NPAS3: variants seen among roughly 807,000 people sequenced by gnomAD.
NPAS3 encodes the protein neuronal PAS domain-containing protein 3.
A neutral mutation model predicts 73.1 loss-of-function variants in NPAS3; 14 were observed. That is an observed-to-expected ratio of 0.19 (90% CI 0.13 to 0.30). The LOEUF is 0.30. NPAS3 is among the 10% of genes least tolerant of loss of function. NPAS3 has a pLI of 1.00. For synonymous variants in NPAS3, 620 were observed against 541.5 expected (o/e 1.14, Z -2.01); for missense variants, 1,096 against 1,250.0 (o/e 0.88, Z 1.86).
At chr14:32,980,513 T>C (rs1595143392) in intron 1 of NPAS3, among the ~76,000 whole-genome samples, 1 of 152,338 alleles carries the variant, frequency 6.6e-6, no homozygotes, top group East Asian at 1.9e-4. Flanking sequence ...AAAGGGGATA[T>C]TAATTTTTTT....
intron 2 of NPAS3, among the ~76,000 whole-genome samples, chr14:33,095,866 G>T (rs2042402086): frequency 6.6e-6 from 1 of 151,286 alleles, no homozygotes; most frequent in Non-Finnish European, 1.5e-5. Context: ...TAGAGACGGG[G>T]TTTCACCGTG....
At position 33,165,590 on chromosome 14, in the gene NPAS3, C is replaced by T. The variant is rs143202318; in HGVS notation, c.141-49592C>T. 2.8e-3 allele frequency among the ~76,000 whole-genome samples: 419 copies of T among 152,000 alleles called. 2 individuals are homozygous for T. The highest frequency in any genetic ancestry group is 9.5e-3 in the African/African-American group (396 of 41,478). ...TTCTAATCTGGAGGCCTTATCAGAG[C>T]GTTGGCTGATAATTTATTGTTGAAA... On this transcript the variant is annotated intron_variant, in intron 2 of 11. Transcript: ENST00000356141.
At chr14:33,167,669 T>G (rs1306126547) in intron 2 of NPAS3, among the ~76,000 whole-genome samples, 1 of 152,222 alleles carries the variant, frequency 6.6e-6, no homozygotes. Context: ...CATTCTTGAA[T>G]GCACATTTGT....
intron 2 of NPAS3, among the ~76,000 whole-genome samples, chr14:33,115,737 A>C (rs1030414911): frequency 1.3e-5 from 2 of 152,168 alleles, no homozygotes; most frequent in African/African-American, 4.8e-5. Context: ...GCAATCCATC[A>C]GGGATTTGTT....
Position 33,588,375 on chromosome 14 carries a change from C to T in NPAS3, c.558+28165C>T, listed in dbSNP as rs537262198. On this transcript the variant is annotated intron_variant, in intron 5 of 11. Coordinates refer to ENST00000356141, the Ensembl canonical transcript of NPAS3. ...GCAGTCATATTCTGGGTTGGCACCA[C>T]CTGCCAGCAAAGAATTTGCAGAAAC... Among the ~76,000 whole-genome samples the T allele has an allele frequency of 9.0e-4, 137 of 152,280 alleles. 1 individual carries two copies. The highest frequency in any genetic ancestry group is 3.1e-3 in the African/African-American group (127 of 41,554).
chr14:33,752,975 G>A (rs2062007839), intron 7 of NPAS3, among the ~76,000 whole-genome samples: 1 of 152,108 alleles, frequency 6.6e-6, no homozygotes, highest in South Asian at 2.1e-4. Context: ...TTTTAAAAAG[G>A]AAAATCATTG....
rs35096703 is a variant in NPAS3 at position 33,798,977 on chromosome 14, C to CAAAAAAAAAAAAAA, written c.1427-752_1427-739dup. 2.8e-5 allele frequency among the ~76,000 whole-genome samples: 3 copies of CAAAAAAAAAAAAAA among 106,240 alleles called. 1 individual carries two copies. The highest frequency in any genetic ancestry group is 1.8e-5 in the Non-Finnish European group (1 of 54,550). 69.7% of individuals were successfully genotyped at this position (106,240 alleles called of 152,430 possible). On this transcript the variant is annotated intron_variant, in intron 11 of 11. Transcript: ENST00000356141. ...GCAACGTGGCAAGACCCTGTCTCTA[C>CAAAAAAAAAAAAAA]AAAAAAAAAAAAAAAAAATCAGCCA...
intron 5 of NPAS3, among the ~76,000 whole-genome samples, chr14:33,574,947 A>G (rs1467974283): frequency 1.4e-5 from 2 of 143,930 alleles, no homozygotes; most frequent in Admixed American, 1.4e-4. Flanking sequence ...AGGATTGGTC[A>G]ACCTTGGTCC....
chr14:33,179,099 T>C (rs2045702760), intron 2 of NPAS3, among the ~76,000 whole-genome samples: 1 of 152,196 alleles, frequency 6.6e-6, no homozygotes, highest in South Asian at 2.1e-4. Context: ...CCCTTTGCTC[T>C]CCCAATGTGG....
At chr14:32,962,210 G>T (rs938579390) in intron 1 of NPAS3, among the ~76,000 whole-genome samples, 2 of 152,144 alleles carry the variant, frequency 1.3e-5, no homozygotes, top group African/African-American at 4.8e-5. Context: ...TGCCTGTAGA[G>T]GAGGATGCCA....
intron 1 of NPAS3, among the ~76,000 whole-genome samples, chr14:33,040,704 C>T (rs2040321964): frequency 6.6e-6 from 1 of 152,164 alleles, no homozygotes; most frequent in Admixed American, 6.5e-5. Flanking sequence ...AACCCACCCA[C>T]CTCTAACAGG....
chr14:33,335,289 T>G, intron 3 of NPAS3, among the ~76,000 whole-genome samples: 1 of 152,170 alleles, frequency 6.6e-6, no homozygotes, highest in East Asian at 1.9e-4. Context: ...CTTATAGTGA[T>G]GGACTGCAGG....
chr14:33,209,804 AC>A (rs1447560438), intron 2 of NPAS3, among the ~76,000 whole-genome samples: 1 of 152,124 alleles, frequency 6.6e-6, no homozygotes, highest in Admixed American at 6.6e-5. Context: ...GATAACCAAA[AC>A]CTGCCATGCT....
At chr14:33,468,704 G>C (rs969289803) in intron 4 of NPAS3, among the ~76,000 whole-genome samples, 1 of 152,102 alleles carries the variant, frequency 6.6e-6, no homozygotes, top group African/African-American at 2.4e-5. Flanking sequence ...TATTACAAGA[G>C]TGGTCATCGT....
intron 2 of NPAS3, among the ~76,000 whole-genome samples, chr14:33,148,110 A>G (rs1377103734): frequency 6.6e-6 from 1 of 152,154 alleles, no homozygotes; most frequent in Non-Finnish European, 1.5e-5. Flanking sequence ...AAGGATATTT[A>G]TAGTAATATA....
chr14:33,287,803 G>T (rs904779388), intron 3 of NPAS3, among the ~76,000 whole-genome samples: 2 of 152,168 alleles, frequency 1.3e-5, no homozygotes, highest in Admixed American at 1.3e-4. Context: ...CAGGGTGAAA[G>T]AACTAGTTAA....
chr14:33,072,542 C>T (rs1048602906), intron 2 of NPAS3, among the ~76,000 whole-genome samples: 6 of 152,234 alleles, frequency 3.9e-5, no homozygotes, highest in Non-Finnish European at 5.9e-5. Flanking sequence ...GTCCTTGCCT[C>T]TTTCCCTAGG....
chr14:33,338,048 T>A (rs2044307516), intron 3 of NPAS3, among the ~76,000 whole-genome samples: 1 of 152,014 alleles, frequency 6.6e-6, no homozygotes, highest in Non-Finnish European at 1.5e-5. Context: ...TCATTTTTAA[T>A]CTCTATAGCT....
At chr14:33,180,309 A>T (rs538272321) in intron 2 of NPAS3, among the ~76,000 whole-genome samples, 53 of 152,160 alleles carry the variant, frequency 3.5e-4, no homozygotes, top group African/African-American at 1.2e-3. Flanking sequence ...GCCACTTCTG[A>T]ATTCTCCCAT....
Sources: allele counts gnomAD v4.1 joint callset (sites outside exome capture counted in the v4.1 genomes callset), GRCh38; gene constraint gnomAD v4.1.1; transcripts MANE v1.5; gene names NCBI Gene and HGNC (gene_info 2026-07-23, HGNC 2026-07-21).